GBE1: variants seen among roughly 807,000 people sequenced by gnomAD.
GBE1 encodes the protein 1,4-alpha-glucan-branching enzyme.
In GBE1, 70 loss-of-function variants were observed where a neutral mutation model predicts 88.8. The observed-to-expected ratio is 0.79, with a 90% CI of 0.65 to 0.96. The LOEUF (loss-of-function observed/expected upper bound fraction) is 0.96, where lower values mean the gene tolerates loss of function less well. Among genes scored for constraint, GBE1 ranks in the 40% least tolerant of loss-of-function variants. GBE1 has a pLI of 0.00. For synonymous variants in GBE1, 284 were observed against 300.1 expected (o/e 0.95, Z 0.56); for missense variants, 872 against 871.0 (o/e 1.00, Z -0.01).
rs981261701 is a variant in GBE1, at chr3:81,729,593, C to G, written c.144-23980G>C. On this transcript the variant is annotated intron_variant, in intron 1 of 15. Coordinates refer to ENST00000429644, the MANE Select transcript of GBE1 (RefSeq NM_000158.4). ...AGAAATCAGTGACAGGTATTGACCTCTAGGAAGAAGTACAGAGTAGGATGA... is the reference window on the plus strand; with the variant it reads ...AGAAATCAGTGACAGGTATTGACCTGTAGGAAGAAGTACAGAGTAGGATGA... 3.3e-5 allele frequency among the ~76,000 whole-genome samples: 5 copies of G among 152,124 alleles called. No homozygotes were observed. The East Asian group carries it at 9.6e-4, about 29-fold the overall frequency.
At chr3:81,627,743 TTACA>T (rs1704438031) in intron 7 of GBE1, among the ~76,000 whole-genome samples, 1 of 91,518 alleles carries the variant, frequency 1.1e-5, no homozygotes, top group Non-Finnish European at 2.0e-5. Flanking sequence ...ATTATATATT[TTACA>T]TATATATATA....
intron 7 of GBE1, among the ~76,000 whole-genome samples, chr3:81,603,591 T>A (rs1044289153): frequency 3.9e-5 from 6 of 152,056 alleles, no homozygotes; most frequent in African/African-American, 1.4e-4. Flanking sequence ...GCCTCCCAGG[T>A]TCAAGCAATT....
chr3:81,553,343 T>C (rs1703301048), intron 12 of GBE1, among the ~76,000 whole-genome samples: 2 of 152,082 alleles, frequency 1.3e-5, no homozygotes, highest in Non-Finnish European at 2.9e-5. Context: ...TATATTTTTT[T>C]CTTTACTAAT....
intron 6 of GBE1, among the ~76,000 whole-genome samples, chr3:81,645,522 T>G (rs892121307): frequency 1.3e-5 from 2 of 152,002 alleles, no homozygotes; most frequent in African/African-American, 4.8e-5. Flanking sequence ...ATACTTGGAG[T>G]GGGCTCAGGA....
At chr3:81,597,923 A>G (rs1703981401) in intron 7 of GBE1, among the ~76,000 whole-genome samples, 1 of 151,998 alleles carries the variant, frequency 6.6e-6, no homozygotes, top group South Asian at 2.1e-4. Context: ...GATAATTCCA[A>G]TATTAAGGTT....
Position 81,586,140 on chromosome 3 carries a change from AC to A in GBE1, c.1286del (p.Gly429ValfsTer7). On this transcript the variant is annotated frameshift_variant, in exon 10 of 16. Transcript: ENST00000429644. LOFTEE classifies it high-confidence loss of function. The part of the protein sequence containing the change: ...ALCSPISQGG[G>X]GFDYRLAMAI... ...CCATGGCTAGTCGATAGTCAAAACCACCCCCTCCCTGGGAAATTGGAGAGCA... is the reference window on the plus strand; with the variant it reads ...CCATGGCTAGTCGATAGTCAAAACCACCCCTCCCTGGGAAATTGGAGAGCA... The A allele has an allele frequency of 1.2e-6, 2 of 1,609,128 alleles. No homozygotes were observed. The highest frequency in any genetic ancestry group is 1.7e-6 in the Non-Finnish European group (2 of 1,178,190).
At chr3:81,583,868 G>T (rs1240405198) in intron 10 of GBE1, among the ~76,000 whole-genome samples, 1 of 151,984 alleles carries the variant, frequency 6.6e-6, no homozygotes, top group African/African-American at 2.4e-5. Context: ...TTAAAAGATT[G>T]TTCTATACCT....
chr3:81,702,883 CTTTTA>C (rs1705720926), intron 2 of GBE1, among the ~76,000 whole-genome samples: 1 of 151,908 alleles, frequency 6.6e-6, no homozygotes, highest in Non-Finnish European at 1.5e-5. Context: ...CACAGCGCAA[CTTTTA>C]ATAAATGAGC....
chr3:81,758,514 A>G (rs1575780968), intron 1 of GBE1, among the ~76,000 whole-genome samples: 2 of 152,310 alleles, frequency 1.3e-5, no homozygotes, highest in South Asian at 2.1e-4. Context: ...ATAAGCCTAG[A>G]TTTTTGAGTG....
intron 11 of GBE1, among the ~76,000 whole-genome samples, chr3:81,579,809 T>C (rs538645956): frequency 2.0e-4 from 31 of 152,262 alleles, no homozygotes; most frequent in African/African-American, 6.3e-4. Flanking sequence ...ATTTGGAAGA[T>C]GCAAAATTTA....
intron 7 of GBE1, among the ~76,000 whole-genome samples, chr3:81,595,128 A>T (rs2106959005): frequency 7.2e-6 from 1 of 138,100 alleles, no homozygotes; most frequent in East Asian, 2.0e-4. Context: ...TTACTAAGTT[A>T]AAAAAAAAAA....
chr3:81,618,060 T>A (rs1283727065), intron 7 of GBE1, among the ~76,000 whole-genome samples: 1 of 151,984 alleles, frequency 6.6e-6, no homozygotes. Context: ...AAGTTAAAAA[T>A]TAAAGAGAAG....
intron 3 of GBE1, among the ~76,000 whole-genome samples, chr3:81,665,396 C>T (rs1190947300): frequency 4.6e-5 from 7 of 151,856 alleles, no homozygotes; most frequent in Admixed American, 2.0e-4. Flanking sequence ...ATTAGCCGGG[C>T]GTGGTGGCGG....
intron 2 of GBE1, among the ~76,000 whole-genome samples, chr3:81,692,289 C>T (rs1204007257): frequency 4.6e-5 from 7 of 152,142 alleles, no homozygotes; most frequent in Non-Finnish European, 8.8e-5. Flanking sequence ...AAAATGATTA[C>T]ATAAAGGGGA....
chr3:81,721,066 GGGGA>G (rs1428145390), intron 1 of GBE1, among the ~76,000 whole-genome samples: 2 of 71,424 alleles, frequency 2.8e-5, no homozygotes, highest in Non-Finnish European at 5.0e-5. Flanking sequence ...TCGGGGGAGG[GGGGA>G]GGGATAGCAT....
chr3:81,644,397 G>C (rs889903775), intron 6 of GBE1, among the ~76,000 whole-genome samples: 1 of 152,116 alleles, frequency 6.6e-6, no homozygotes, highest in Non-Finnish European at 1.5e-5. Context: ...TAATATCTAA[G>C]GGTAAGAGCA....
At chr3:81,676,343 C>T (rs887634341) in intron 2 of GBE1, among the ~76,000 whole-genome samples, 4 of 151,986 alleles carry the variant, frequency 2.6e-5, no homozygotes, top group Non-Finnish European at 5.9e-5. Context: ...TCTAGTTTCT[C>T]TTGATAGAAA....
At chr3:81,574,053 A>T (rs575211999) in intron 12 of GBE1, among the ~76,000 whole-genome samples, 1 of 152,318 alleles carries the variant, frequency 6.6e-6, no homozygotes, top group Non-Finnish European at 1.5e-5. Flanking sequence ...AAAAACTCAG[A>T]AGGTAAATTG....
intron 2 of GBE1, among the ~76,000 whole-genome samples, chr3:81,700,188 A>G (rs921116058): frequency 1.3e-5 from 2 of 152,146 alleles, no homozygotes; most frequent in Non-Finnish European, 1.5e-5. Flanking sequence ...TTGTTTGTAA[A>G]ATGTCATGCC....
Sources: allele counts gnomAD v4.1 joint callset (sites outside exome capture counted in the v4.1 genomes callset), GRCh38; gene constraint gnomAD v4.1.1; transcripts MANE v1.5; gene names NCBI Gene and HGNC (gene_info 2026-07-23, HGNC 2026-07-21).